The following ACBD6 variants were observed in gnomAD, a reference collection of about 807,000 sequenced individuals.
ACBD6 encodes acyl-CoA binding domain containing 6, also known as acyl-CoA-binding domain-containing protein 6.
In ACBD6, 28 loss-of-function variants were observed where a neutral mutation model predicts 37.2. That is an observed-to-expected ratio of 0.75 (90% CI 0.56 to 1.03). The LOEUF (loss-of-function observed/expected upper bound fraction) is 1.03, where lower values mean the gene tolerates loss of function less well. Among genes scored for constraint, ACBD6 ranks in the 50% least tolerant of loss-of-function variants. ACBD6 has a pLI of 0.00. For synonymous variants in ACBD6, 113 were observed against 126.8 expected (o/e 0.89, Z 0.73); for missense variants, 340 against 337.4 (o/e 1.01, Z -0.06).
chr1:180,283,489 T>A (rs1174214318), downstream of ACBD6, among the ~76,000 whole-genome samples: 1 of 152,154 alleles, frequency 6.6e-6, no homozygotes, highest in Non-Finnish European at 1.5e-5. Context: ...ACTTCCGTAT[T>A]CTATCATTTA....
intron 3 of ACBD6, among the ~76,000 whole-genome samples, chr1:180,455,017 TG>T (rs1220856045): frequency 6.6e-6 from 1 of 152,172 alleles, no homozygotes; most frequent in Non-Finnish European, 1.5e-5. Flanking sequence ...ATCCCATTAC[TG>T]GGTATATACC....
At chr1:180,480,442 T>A (rs1650984886) in intron 3 of ACBD6, among the ~76,000 whole-genome samples, 2 of 152,210 alleles carry the variant, frequency 1.3e-5, no homozygotes, top group Admixed American at 6.5e-5. Context: ...GGATCACTGC[T>A]AGGTTTCTCA....
At chr1:180,431,998 G>A (rs902855865) in intron 3 of ACBD6, among the ~76,000 whole-genome samples, 1 of 152,104 alleles carries the variant, frequency 6.6e-6, no homozygotes, top group African/African-American at 2.4e-5. Context: ...TTGAAGCCAG[G>A]AGTTTGAGAC....
chr1:180,287,578 CTTTTTTTTT>C (rs72179174), downstream of ACBD6, among the ~76,000 whole-genome samples: 601 of 71,612 alleles, frequency 8.4e-3, 9 homozygotes, highest in Admixed American at 0.013. Flanking sequence ...CAGATCTAAG[CTTTTTTTTT>C]TTTTTTTTTT....
At chr1:180,288,614 T>C in intron 7 of ACBD6, 97 bp from the exon 8 acceptor site, 2 of 1,373,448 alleles carry the variant, frequency 1.5e-6, no homozygotes, top group Non-Finnish European at 2.0e-6. Flanking sequence ...CAATAAGGAA[T>C]ACTGAACAAT....
chr1:180,468,514 A>G (rs1650439234), intron 3 of ACBD6, among the ~76,000 whole-genome samples: 1 of 152,226 alleles, frequency 6.6e-6, no homozygotes, highest in Non-Finnish European at 1.5e-5. Context: ...CAAGTCTTCT[A>G]ATTCAATCTG....
intron 6 of ACBD6, among the ~76,000 whole-genome samples, chr1:180,342,340 A>G (rs1652014008): frequency 6.6e-6 from 1 of 152,150 alleles, no homozygotes; most frequent in Non-Finnish European, 1.5e-5. Flanking sequence ...GTATGCGTCT[A>G]AGCACTTTGA....
intron 1 of ACBD6, 108 bp downstream of exon 1, chr1:180,501,937 C>T (rs546126126): frequency 1.3e-4 from 129 of 960,564 alleles, no homozygotes; most frequent in Non-Finnish European, 2.0e-4. Context: ...AATACACATA[C>T]ACAAGCTTCA....
At chr1:180,359,650 C>A (rs1218250336) in intron 6 of ACBD6, among the ~76,000 whole-genome samples, 1 of 152,126 alleles carries the variant, frequency 6.6e-6, no homozygotes, top group Non-Finnish European at 1.5e-5. Flanking sequence ...TATTTTTCCA[C>A]CAGAAGAAAA....
At chr1:180,371,361 T>C (rs973505007) in intron 6 of ACBD6, among the ~76,000 whole-genome samples, 5 of 152,154 alleles carry the variant, frequency 3.3e-5, no homozygotes, top group Admixed American at 1.3e-4. Context: ...TTTAACCTGA[T>C]TGTTTTTCTC....
chr1:180,438,554 G>T (rs1184468540), intron 3 of ACBD6, among the ~76,000 whole-genome samples: 1 of 151,958 alleles, frequency 6.6e-6, no homozygotes, highest in African/African-American at 2.4e-5. Context: ...TTACGTGGTA[G>T]TTCAAAAAAA....
At chr1:180,491,409 G>C (rs962362339) in intron 3 of ACBD6, among the ~76,000 whole-genome samples, 1 of 152,104 alleles carries the variant, frequency 6.6e-6, no homozygotes. Context: ...ATAAGTATAT[G>C]AGAAAAACAG....
intron 3 of ACBD6, among the ~76,000 whole-genome samples, chr1:180,489,892 C>T (rs1651424412): frequency 6.6e-6 from 1 of 152,160 alleles, no homozygotes; most frequent in African/African-American, 2.4e-5. Context: ...CTCCTGACCT[C>T]AGGTGATCCA....
intron 6 of ACBD6, among the ~76,000 whole-genome samples, chr1:180,348,775 TC>T (rs1272157336): frequency 1.3e-4 from 20 of 152,344 alleles, no homozygotes; most frequent in Middle Eastern, 3.4e-3. Flanking sequence ...ATACAAATGT[TC>T]CTTATTTCTT....
At chr1:180,430,823 A>G (rs1414529848) in intron 3 of ACBD6, among the ~76,000 whole-genome samples, 1 of 152,156 alleles carries the variant, frequency 6.6e-6, no homozygotes, top group Non-Finnish European at 1.5e-5. Context: ...TCAAGGATTC[A>G]ACACGTCTTG....
intron 4 of ACBD6, among the ~76,000 whole-genome samples, chr1:180,429,343 A>C (rs1028395932): frequency 2.0e-5 from 3 of 152,184 alleles, no homozygotes; most frequent in African/African-American, 7.2e-5. Flanking sequence ...ACCTTATGTA[A>C]GTATAATCGC....
rs754290733 is a variant in ACBD6, at chr1:180,279,668, CTA to C, written c.*174+1636_*174+1637del. On this transcript the variant is annotated intron_variant, in intron 9 of 13. Coordinates refer to the ACBD6 transcript ENST00000642319. ...TTCTAGAGAAAGTATATGCAAATGT[CTA>C]TATTTACAGAGGGACAGAAACACCT... Among the ~76,000 whole-genome samples the C allele has an allele frequency of 1.4e-4, 22 of 152,220 alleles. No individual in the cohort carries two copies. In the East Asian group the frequency reaches 3.9e-3, roughly 27 times the overall value.
At chr1:180,362,448 A>G (rs1488130760) in intron 6 of ACBD6, among the ~76,000 whole-genome samples, 1 of 152,200 alleles carries the variant, frequency 6.6e-6, no homozygotes, top group African/African-American at 2.4e-5. Context: ...AGGATGGGAA[A>G]AAAAAGATGA....
At chr1:180,273,553 T>C (rs1399398987) in intron 11 of ACBD6, 2 of 152,526 alleles carry the variant, frequency 1.3e-5, no homozygotes, top group Non-Finnish European at 2.9e-5. Flanking sequence ...AAGATTCCAT[T>C]AGATCCCCTT....
Sources: gnomAD v4.1 joint callset for allele counts (sites outside exome capture counted in the v4.1 genomes callset) on GRCh38, gnomAD v4.1.1 for gene constraint, MANE v1.5 for transcripts, NCBI Gene and HGNC (gene_info 2026-07-23, HGNC 2026-07-21) for gene names.